The following TSHZ3 variants were observed in gnomAD, a reference collection of about 807,000 sequenced individuals.
TSHZ3 encodes the protein teashirt zinc finger homeobox 3.
In TSHZ3, 10 loss-of-function variants were observed where a neutral mutation model predicts 64.5. That is an observed-to-expected ratio of 0.16 (90% CI 0.10 to 0.26). The LOEUF is 0.26. Among genes scored for constraint, TSHZ3 ranks in the 10% least tolerant of loss-of-function variants. TSHZ3 has a pLI of 1.00. For missense variants in TSHZ3, 1,242 were observed against 1,421.7 expected, an observed-to-expected ratio of 0.87 and a Z score of 2.03; for synonymous variants, 608 against 593.1, an observed-to-expected ratio of 1.03 and a Z score of -0.36.
intron 4 of TSHZ3, among the ~76,000 whole-genome samples, chr19:31,225,462 A>C (rs571582308): frequency 6.6e-6 from 1 of 152,282 alleles, no homozygotes; most frequent in Non-Finnish European, 1.5e-5. Flanking sequence ...CTTTTACCAC[A>C]GCAACATGTT....
In TSHZ3 at chr19:31,189,212, C is replaced by T. The variant is rs562738849; in HGVS notation, n.809+15744G>A. On this transcript the variant is annotated intron_variant and non_coding_transcript_variant, in intron 5 of 6. Coordinates refer to the TSHZ3 transcript ENST00000651361. ...CATCAATTTTCTTAATCTTTTAAAG[C>T]AAACAACTTCTTGTTTTATTTATTA... is the stretch of plus-strand genomic sequence containing the variant. Among the ~76,000 whole-genome samples, 89 of 152,014 alleles carry T rather than the reference C, an allele frequency of 5.9e-4. No individual in the cohort carries two copies. The South Asian group carries it at 0.017, about 29-fold the overall frequency.
chr19:31,260,615 A>C (rs139193387), intron 1 of TSHZ3, among the ~76,000 whole-genome samples: 1 of 152,340 alleles, frequency 6.6e-6, no homozygotes, highest in East Asian at 1.9e-4. Flanking sequence ...GAAGCTCCTT[A>C]GTGAGAGAAA....
rs765055013 is a variant in TSHZ3, at chr19:31,279,090, C to T, written c.703G>A (p.Glu235Lys). ...TLVELTVHMN[E>K]TGHYRDDNHE... ...TTGTCGTCGCGGTAATGCCCCGTCT[C>T]GTTCATGTGCACCGTCAACTCCACC... Residue 235 changes from glutamate to lysine, a missense_variant, in exon 2 of 2, where the codon GAG becomes AAG. Around this residue, in one of 4 missense-constraint regions of TSHZ3, gnomAD observed 555 missense variants for 704.0 expected, o/e 0.79. Transcript: ENST00000240587. This position sits in a 1 kb window ranked among gnomAD's most constrained non-coding sequence, Gnocchi z 6.4. The T allele has an allele frequency of 6.8e-6, 11 of 1,613,896 alleles. No individual in the cohort carries two copies. The highest frequency in any genetic ancestry group is 2.2e-5 in the East Asian group (1 of 44,886).
At chr19:31,198,493 A>G (rs1245922313) in intron 5 of TSHZ3, among the ~76,000 whole-genome samples, 1 of 152,092 alleles carries the variant, frequency 6.6e-6, no homozygotes, top group Non-Finnish European at 1.5e-5. Context: ...GAGGAAATGA[A>G]ATTGTCTTTT....
chr19:31,323,202 C>T (rs1425725189), intron 1 of TSHZ3, among the ~76,000 whole-genome samples: 1 of 152,170 alleles, frequency 6.6e-6, no homozygotes, highest in East Asian at 1.9e-4. Context: ...CACCAAAGGC[C>T]AGGCCTCCCT....
intron 1 of TSHZ3, among the ~76,000 whole-genome samples, chr19:31,311,831 C>A (rs970359546): frequency 6.6e-6 from 1 of 152,182 alleles, no homozygotes; most frequent in African/African-American, 2.4e-5. Context: ...TCAAGGGACT[C>A]TCCTGTCTCA....
In TSHZ3 at chr19:31,236,295, C is replaced by T. The variant is rs1371875432; in HGVS notation, n.550+5974G>A. On this transcript the variant is annotated intron_variant and non_coding_transcript_variant, in intron 3 of 6. Transcript: ENST00000651361. Reference sequence around the variant, plus strand: ...TACTTTTTCTCCATATCCTCATCAACATTTGTCATCTTTTGTCTTTTTGAC... The same window carrying T: ...TACTTTTTCTCCATATCCTCATCAATATTTGTCATCTTTTGTCTTTTTGAC... Among the ~76,000 whole-genome samples the T allele has an allele frequency of 2.6e-5, 4 of 152,186 alleles. No homozygotes were observed. In the East Asian group the frequency reaches 7.7e-4, roughly 29 times the overall value.
chr19:31,273,966 G>T (rs1052747224), downstream of TSHZ3, among the ~76,000 whole-genome samples: 1 of 152,178 alleles, frequency 6.6e-6, no homozygotes, highest in African/African-American at 2.4e-5. Flanking sequence ...ATTTTAAATT[G>T]TAGTGAGTTT....
intron 4 of TSHZ3, chr19:31,207,584 C>G (rs917804965): frequency 6.6e-5 from 10 of 152,090 alleles, no homozygotes; most frequent in Non-Finnish European, 1.2e-4. Flanking sequence ...TAAGGGAAAA[C>G]TGAGACTGGA....
At chr19:31,340,338 C>CA (rs1160334453) in intron 1 of TSHZ3, among the ~76,000 whole-genome samples, 14,840 of 32,592 alleles carry the variant, frequency 0.46, 5,155 homozygotes, top group Non-Finnish European at 0.56. Flanking sequence ...GCCTACAGTA[C>CA]AAAAAAAAAA....
rs1037129129 is a variant in TSHZ3 at position 31,278,716 on chromosome 19, G to A, written c.1077C>T (p.Tyr359=). ...NDALQKNSNP[Y]ITPNNRYGHQ... Reference sequence around the variant, plus strand: ...GGCCGTACCGATTATTTGGCGTGATGTAAGGGTTGGAGTTCTTCTGAAGTG... The same window carrying A: ...GGCCGTACCGATTATTTGGCGTGATATAAGGGTTGGAGTTCTTCTGAAGTG... The change falls in exon 2 of 2, where the codon TAC becomes TAT. Residue 359 remains tyrosine, a synonymous_variant. Coordinates refer to ENST00000240587, the MANE Select transcript of TSHZ3 (RefSeq NM_020856.4). The surrounding 1 kb of genome is among the most constrained non-coding windows in gnomAD (Gnocchi z 4.7). 2.5e-6 allele frequency: 4 copies of A among 1,614,136 alleles called. No individual in the cohort carries two copies. The highest frequency in any genetic ancestry group is 3.4e-6 in the Non-Finnish European group (4 of 1,180,040).
chr19:31,185,029 C>A (rs1974781517), intron 5 of TSHZ3, among the ~76,000 whole-genome samples: 1 of 151,736 alleles, frequency 6.6e-6, no homozygotes, highest in African/African-American at 2.4e-5. Flanking sequence ...CCTCCTGAGA[C>A]AGGGACACCT....
Position 31,277,767 on chromosome 19 carries a change from C to T in TSHZ3, c.2026G>A (p.Asp676Asn). ...AGGGGGCTCCCATCCTTGCACCCAT[C>T]CCGCGGGGGGCTGGGGCTGTTCTCC... is the stretch of plus-strand genomic sequence containing the variant. Reference protein sequence around the residue: ...SQENSPSPPRDGCKDGSPLAE... With the variant: ...SQENSPSPPRNGCKDGSPLAE... Residue 676 changes from aspartate to asparagine, a missense_variant, in exon 2 of 2, where the codon GAT becomes AAT. Asp to Asn is a conservative substitution (Grantham distance 23, BLOSUM62 1). This residue lies in a region of TSHZ3 where 550 missense variants were observed against 545.1 expected (regional missense o/e 1.01). Coordinates refer to ENST00000240587, the MANE Select transcript of TSHZ3 (RefSeq NM_020856.4). This position sits in a 1 kb window ranked among gnomAD's most constrained non-coding sequence, Gnocchi z 4.5. The T allele has an allele frequency of 6.5e-7, 1 of 1,529,324 alleles. No homozygotes were observed. Among genetic ancestry groups the T allele is most frequent in the Admixed American group, 2.2e-5 (1 of 45,966 alleles). The allele number at this position is 1,529,324 out of a possible 1,614,324, so 94.7% of individuals were successfully genotyped here.
rs574876430 is a variant in TSHZ3 at position 31,255,536 on chromosome 19, C to T, written n.64-12661G>A. Among the ~76,000 whole-genome samples the T allele has an allele frequency of 2.7e-4, 41 of 152,134 alleles. No individual in the cohort carries two copies. In the South Asian group the frequency reaches 8.1e-3, roughly 30 times the overall value. Reference sequence around the variant, plus strand: ...CCCTTTCTTTTATGCATGGCAGGGGCGCCGGGCTAACACGACCTGAGCTCC... The same window carrying T: ...CCCTTTCTTTTATGCATGGCAGGGGTGCCGGGCTAACACGACCTGAGCTCC... On this transcript the variant is annotated intron_variant and non_coding_transcript_variant, in intron 1 of 6. Coordinates refer to the TSHZ3 transcript ENST00000651361.
intron 5 of TSHZ3, among the ~76,000 whole-genome samples, chr19:31,184,052 G>A (rs1974766670): frequency 1.3e-5 from 2 of 152,048 alleles, no homozygotes; most frequent in Admixed American, 6.6e-5. Flanking sequence ...TATTATGACC[G>A]TGATATAGTC....
At chr19:31,195,094 A>G (rs1974965188) in intron 5 of TSHZ3, among the ~76,000 whole-genome samples, 1 of 152,126 alleles carries the variant, frequency 6.6e-6, no homozygotes, top group Admixed American at 6.5e-5. Context: ...TCTGAGAACT[A>G]TAGGACAAAT....
chr19:31,221,969 G>C (rs1378334101), intron 4 of TSHZ3, among the ~76,000 whole-genome samples: 1 of 152,184 alleles, frequency 6.6e-6, no homozygotes, highest in Non-Finnish European at 1.5e-5. Flanking sequence ...TGAATCTGGA[G>C]TACAGTGACA....
intron 3 of TSHZ3, among the ~76,000 whole-genome samples, chr19:31,234,256 G>C (rs1189188803): frequency 6.6e-6 from 1 of 152,032 alleles, no homozygotes; most frequent in Non-Finnish European, 1.5e-5. Context: ...TTTAGCTCTA[G>C]TAGTTTTTTT....
chr19:31,277,714 C>A lies in TSHZ3; in HGVS notation c.2079G>T (p.Glu693Asp). Residue 693 changes from glutamate (E) to aspartate (D), a missense_variant, in exon 2 of 2, where the codon GAG becomes GAT. Glu to Asp is a conservative substitution (Grantham distance 45). Around this residue, in one of 4 missense-constraint regions of TSHZ3, gnomAD observed 550 missense variants for 545.1 expected, o/e 1.01. Transcript: ENST00000240587. The surrounding 1 kb of genome is among the most constrained non-coding windows in gnomAD (Gnocchi z 4.5). ...PLAEPVENGK[E>D]LVKPLASSLS... ...AACTGCTGGCTAGGGGCTTCACCAG[C>A]TCCTTGCCATTCTCCACCGGCTCAG... The A allele has an allele frequency of 2.0e-6, 3 of 1,524,156 alleles. No homozygotes were observed. The highest frequency in any genetic ancestry group is 2.6e-6 in the Non-Finnish European group (3 of 1,138,420). 94.4% of individuals were successfully genotyped at this position (1,524,156 alleles called of 1,614,324 possible).
Sources: allele counts gnomAD v4.1 joint callset (sites outside exome capture counted in the v4.1 genomes callset), GRCh38; gene constraint gnomAD v4.1.1; regional missense constraint gnomAD v4.1.1; non-coding constraint Gnocchi (gnomAD v3.1); transcripts MANE v1.5; gene names NCBI Gene and HGNC (gene_info 2026-07-23, HGNC 2026-07-21).